The following PTK2 variants were observed in gnomAD, a reference collection of about 807,000 sequenced individuals.
The protein encoded by PTK2 is protein tyrosine kinase 2, also known as focal adhesion kinase 1.
PTK2 carries 45 observed loss-of-function variants against 150.1 expected under a neutral mutation model. The observed-to-expected ratio is 0.30, with a 90% CI of 0.24 to 0.38. The LOEUF (loss-of-function observed/expected upper bound fraction) is 0.38. Ranked by LOEUF, PTK2 falls within the 10% of genes least tolerant of loss-of-function variation. The probability of loss-of-function intolerance (pLI) is 1.00; values close to 1 mark genes in which losing one functional copy is unlikely to be tolerated. For missense variants in PTK2, 919 were observed against 1,307.3 expected (o/e 0.70, Z 4.58); for synonymous variants, 432 against 449.2 (o/e 0.96, Z 0.48).
At chr8:140,989,564 C>A (rs548810207) in intron 1 of PTK2, among the ~76,000 whole-genome samples, 10 of 151,280 alleles carry the variant, frequency 6.6e-5, no homozygotes, top group African/African-American at 2.4e-4. Flanking sequence ...TAGAAAAATA[C>A]AGGCACTTGG....
At chr8:140,992,931 T>A (rs1051085424) in intron 1 of PTK2, among the ~76,000 whole-genome samples, 2 of 152,208 alleles carry the variant, frequency 1.3e-5, no homozygotes, top group Non-Finnish European at 2.9e-5. Context: ...GGGCATAATG[T>A]TAAACCTTTG....
chr8:140,757,410 A>G (rs375441334), intron 16 of PTK2, among the ~76,000 whole-genome samples: 1 of 152,224 alleles, frequency 6.6e-6, no homozygotes, highest in Non-Finnish European at 1.5e-5. Context: ...AGGAGTAAAA[A>G]ACAGCAAAAA....
intron 1 of PTK2, among the ~76,000 whole-genome samples, chr8:140,981,412 G>A (rs2100191375): frequency 2.6e-5 from 4 of 152,148 alleles, no homozygotes; most frequent in African/African-American, 9.7e-5. Context: ...TGTGGGGCAG[G>A]AGGGAAGGGT....
chr8:140,960,841 G>A (rs180682274), intron 1 of PTK2, among the ~76,000 whole-genome samples: 49 of 152,262 alleles, frequency 3.2e-4, no homozygotes, highest in African/African-American at 1.0e-3. Context: ...TTAGCCAGGC[G>A]TGGTGGCGCA....
intron 27 of PTK2, 35 bp downstream of exon 30, chr8:140,686,597 C>G (rs762006575): frequency 6.4e-7 from 1 of 1,569,906 alleles, no homozygotes; most frequent in Non-Finnish European, 8.8e-7. Flanking sequence ...CACAGGAGAA[C>G]TGGAAATCAA....
chr8:140,917,944 G>C (rs2100165953), intron 2 of PTK2, among the ~76,000 whole-genome samples: 1 of 152,180 alleles, frequency 6.6e-6, no homozygotes, highest in Non-Finnish European at 1.5e-5. Flanking sequence ...GCATTTTAAT[G>C]TCAGTACCAT....
chr8:140,672,782 G>A (rs1317456442), intron 29 of PTK2, among the ~76,000 whole-genome samples: 2 of 152,212 alleles, frequency 1.3e-5, no homozygotes, highest in Non-Finnish European at 2.9e-5. Context: ...TACATCTAAC[G>A]AAGCTTCAGC....
At chr8:140,778,230 G>A (rs1454129581) in intron 14 of PTK2, among the ~76,000 whole-genome samples, 1 of 152,242 alleles carries the variant, frequency 6.6e-6, no homozygotes, top group African/African-American at 2.4e-5. Flanking sequence ...CACTTTGGGA[G>A]GCTGAGGCAC....
chr8:140,780,930 T>C (rs996122083), intron 14 of PTK2, among the ~76,000 whole-genome samples: 5 of 152,248 alleles, frequency 3.3e-5, no homozygotes, highest in Admixed American at 6.5e-5. Flanking sequence ...TACAATTCTA[T>C]TCTCTCTTTT....
intron 10 of PTK2, among the ~76,000 whole-genome samples, chr8:140,813,974 T>G (rs1047773520): frequency 1.3e-5 from 2 of 152,082 alleles, no homozygotes; most frequent in East Asian, 3.9e-4. Flanking sequence ...AGGGGGATGT[T>G]ACCACCAACC....
chr8:140,846,226 A>T, intron 7 of PTK2, 34 bp downstream of exon 7: 14 of 1,501,410 alleles, frequency 9.3e-6, no homozygotes, highest in Non-Finnish European at 1.2e-5. Flanking sequence ...AGTTCTGCAT[A>T]TTTGCAGGTA....
chr8:140,937,511 C>T (rs766791388), intron 1 of PTK2, among the ~76,000 whole-genome samples: 9 of 151,510 alleles, frequency 5.9e-5, no homozygotes, highest in Non-Finnish European at 1.2e-4. Context: ...CCAGGAACCA[C>T]CTTTGACTAC....
At chr8:140,772,079 G>T (rs575043683) in intron 14 of PTK2, among the ~76,000 whole-genome samples, 1 of 151,992 alleles carries the variant, frequency 6.6e-6, no homozygotes. Flanking sequence ...ATAAGCCACC[G>T]CGCCCGGCCG....
At chr8:140,665,030 C>A in intron 30 of PTK2, 33 bp from the exon 35 acceptor site, 2 of 1,567,922 alleles carry the variant, frequency 1.3e-6, no homozygotes, top group South Asian at 1.1e-5. Context: ...AATATTAGAA[C>A]ACACACAAAG....
At chr8:140,810,211 G>C (rs983603710) in intron 10 of PTK2, among the ~76,000 whole-genome samples, 3 of 152,246 alleles carry the variant, frequency 2.0e-5, no homozygotes, top group African/African-American at 7.2e-5. Flanking sequence ...TTAGAGAAGT[G>C]CTAGGGATTG....
At chr8:140,880,467 A>G (rs781159030) in intron 3 of PTK2, among the ~76,000 whole-genome samples, 3 of 152,230 alleles carry the variant, frequency 2.0e-5, no homozygotes, top group Non-Finnish European at 4.4e-5. Context: ...ATTTGGGAAC[A>G]TGACAGAACC....
chr8:140,900,179 T>C (rs138099739), intron 2 of PTK2, among the ~76,000 whole-genome samples: 16 of 152,338 alleles, frequency 1.1e-4, no homozygotes, highest in African/African-American at 3.6e-4. Flanking sequence ...ACAGATGACA[T>C]GATCTTATAA....
exon 3 of PTK2, chr8:140,890,595 T>C (rs994914693): frequency 6.2e-7 from 1 of 1,614,142 alleles, no homozygotes. Context: ...GGTGGTTGGC[T>C]CACTATTGCT....
chr8:140,863,532 T>C (rs2100137482), intron 5 of PTK2, among the ~76,000 whole-genome samples: 1 of 152,222 alleles, frequency 6.6e-6, no homozygotes. Context: ...CCACATTTTC[T>C]CTCTCCCCTC....
Sources: allele counts gnomAD v4.1 joint callset (sites outside exome capture counted in the v4.1 genomes callset), GRCh38; gene constraint gnomAD v4.1.1; transcripts MANE v1.5; gene names NCBI Gene and HGNC (gene_info 2026-07-23, HGNC 2026-07-21).